The following KIAA1217 variants were observed in gnomAD, a reference collection of about 807,000 sequenced individuals.
KIAA1217 encodes the protein KIAA1217.
KIAA1217 carries 88 observed loss-of-function variants against 163.9 expected under a neutral mutation model. The ratio of observed to expected loss-of-function variants is 0.54; its 90% CI spans 0.45 to 0.64. KIAA1217 has a LOEUF of 0.64. Among genes scored for constraint, KIAA1217 ranks in the 30% least tolerant of loss-of-function variants. The pLI, the probability that KIAA1217 is intolerant of heterozygous loss-of-function variation, is 0.00. For missense variants in KIAA1217, 2,372 were observed against 2,475.0 expected, an observed-to-expected ratio of 0.96 and a Z score of 0.88; for synonymous variants, 903 against 923.1, an observed-to-expected ratio of 0.98 and a Z score of 0.39.
At chr10:23,818,335 TATATATATATAAAAAA>T (rs1837453493) in intron 1 of KIAA1217, among the ~76,000 whole-genome samples, 1 of 115,360 alleles carries the variant, frequency 8.7e-6, no homozygotes, top group African/African-American at 4.0e-5. Flanking sequence ...ATATATTTTA[TATATATATATAAAAAA>T]ATATATATAT....
intron 2 of KIAA1217, among the ~76,000 whole-genome samples, chr10:24,317,351 T>C (rs1470673101): frequency 6.6e-6 from 1 of 152,156 alleles, no homozygotes; most frequent in African/African-American, 2.4e-5. Context: ...ATTTCCGGAC[T>C]CAAGCGATTC....
chr10:24,213,534 T>C (rs1285977088), intron 1 of KIAA1217, among the ~76,000 whole-genome samples: 1 of 149,734 alleles, frequency 6.7e-6, no homozygotes, highest in Non-Finnish European at 1.5e-5. Context: ...CACTTACCGT[T>C]ACATGACATT....
chr10:23,854,848 T>C (rs1266157302), intron 1 of KIAA1217, among the ~76,000 whole-genome samples: 1 of 152,178 alleles, frequency 6.6e-6, no homozygotes, highest in Non-Finnish European at 1.5e-5. Context: ...CCTGCCTTTT[T>C]TTGTTTTCCA....
chr10:24,523,912 G>A (rs948781148), intron 12 of KIAA1217, among the ~76,000 whole-genome samples: 3 of 152,186 alleles, frequency 2.0e-5, no homozygotes, highest in Non-Finnish European at 4.4e-5. Flanking sequence ...AGGTGGGGAA[G>A]CCAGTGAGCA....
chr10:24,001,517 A>G (rs1846743524), intron 1 of KIAA1217, among the ~76,000 whole-genome samples: 1 of 152,242 alleles, frequency 6.6e-6, no homozygotes, highest in Admixed American at 6.5e-5. Flanking sequence ...ACTGTATACC[A>G]GGGAGGTTAC....
chr10:23,818,253 AT>A (rs1392427633), intron 1 of KIAA1217, among the ~76,000 whole-genome samples: 2 of 143,004 alleles, frequency 1.4e-5, no homozygotes, highest in Non-Finnish European at 3.0e-5. Flanking sequence ...CATAATATAT[AT>A]TTTATATGTA....
chr10:23,934,729 T>TGCCTCA (rs1390748668), intron 1 of KIAA1217, among the ~76,000 whole-genome samples: 1 of 149,276 alleles, frequency 6.7e-6, no homozygotes. Flanking sequence ...GCCATTCTCC[T>TGCCTCA]GCCTCAGCCT....
chr10:23,852,336 G>A (rs374365653), intron 1 of KIAA1217, among the ~76,000 whole-genome samples: 33 of 151,988 alleles, frequency 2.2e-4, no homozygotes, highest in Non-Finnish European at 3.7e-4. Flanking sequence ...GATAAGCGGC[G>A]CTATTTCTGA....
intron 1 of KIAA1217, among the ~76,000 whole-genome samples, chr10:23,751,186 C>T (rs1564390555): frequency 6.6e-6 from 1 of 151,986 alleles, no homozygotes; most frequent in African/African-American, 2.4e-5. Flanking sequence ...TGCCACCTTG[C>T]CGGGCTGAAT....
chr10:24,172,933 G>A (rs909595399), intron 2 of KIAA1217, among the ~76,000 whole-genome samples: 5 of 152,210 alleles, frequency 3.3e-5, no homozygotes, highest in Non-Finnish European at 7.3e-5. Flanking sequence ...TTTCAATGAA[G>A]TTATTAACAA....
chr10:24,213,083 G>A (rs772529842), intron 1 of KIAA1217, among the ~76,000 whole-genome samples: 1 of 152,168 alleles, frequency 6.6e-6, no homozygotes, highest in African/African-American at 2.4e-5. Flanking sequence ...GCAAACTGGG[G>A]TATATGATCA....
At chr10:24,536,426 GT>G (rs1230990249) in intron 16 of KIAA1217, among the ~76,000 whole-genome samples, 1 of 152,088 alleles carries the variant, frequency 6.6e-6, no homozygotes, top group Non-Finnish European at 1.5e-5. Context: ...ATAGTTTTTT[GT>G]TTTAATTTAT....
In KIAA1217 at chr10:24,472,438, A is replaced by G. The variant is rs910286764; in HGVS notation, c.847-790A>G. ...CTCCTTTCCCCCTGCTCATCTCCCT[A>G]GATTGTATCCACTTTGAAAGATGGG... On this transcript the variant is annotated intron_variant, in intron 5 of 20. Transcript: ENST00000376454. Among the ~76,000 whole-genome samples the G allele has an allele frequency of 3.3e-5, 5 of 152,220 alleles. 1 individual carries two copies. The highest frequency in any genetic ancestry group is 2.0e-4 in the Admixed American group (3 of 15,292).
At chr10:24,391,648 G>A (rs773836006) in intron 3 of KIAA1217, among the ~76,000 whole-genome samples, 83 of 152,066 alleles carry the variant, frequency 5.5e-4, no homozygotes, top group African/African-American at 2.0e-3. Context: ...CTTGGCCTAG[G>A]TTCTCCTGTT....
chr10:24,278,970 C>G (rs1199064617), intron 2 of KIAA1217, among the ~76,000 whole-genome samples: 1 of 151,748 alleles, frequency 6.6e-6, no homozygotes, highest in Non-Finnish European at 1.5e-5. Flanking sequence ...GATTCTCATG[C>G]CTCAGCCTCC....
chr10:24,480,775 G>A (rs1220889816), intron 6 of KIAA1217, among the ~76,000 whole-genome samples: 6 of 152,198 alleles, frequency 3.9e-5, no homozygotes, highest in Admixed American at 6.5e-5. Flanking sequence ...CAGAAAACAC[G>A]TAAGGTGAGC....
intron 1 of KIAA1217, among the ~76,000 whole-genome samples, chr10:23,703,824 A>C (rs1836654289): frequency 6.6e-6 from 1 of 152,088 alleles, no homozygotes; most frequent in East Asian, 1.9e-4. Context: ...GAGAGCAAAC[A>C]TATTTTAGAC....
intron 1 of KIAA1217, among the ~76,000 whole-genome samples, chr10:23,754,343 G>A (rs2130841703): frequency 6.6e-6 from 1 of 152,300 alleles, no homozygotes; most frequent in South Asian, 2.1e-4. Flanking sequence ...TGTCCTAAAA[G>A]CAATCAGGAT....
chr10:23,790,320 C>CATATAT (rs1491179197), intron 1 of KIAA1217, among the ~76,000 whole-genome samples: 1 of 9,968 alleles, frequency 1.0e-4, no homozygotes. Context: ...TATACATATG[C>CATATAT]ACATATGCAT....
Sources: gnomAD v4.1 joint callset for allele counts (sites outside exome capture counted in the v4.1 genomes callset) on GRCh38, gnomAD v4.1.1 for gene constraint, MANE v1.5 for transcripts, NCBI Gene and HGNC (gene_info 2026-07-23, HGNC 2026-07-21) for gene names.